SPTLC3: variants seen among roughly 807,000 people sequenced by gnomAD.
SPTLC3 encodes the protein serine palmitoyltransferase 3.
Under a neutral mutation model 59.3 loss-of-function variants are expected in SPTLC3, and 36 were observed. The ratio of observed to expected loss-of-function variants is 0.61; its 90% CI spans 0.47 to 0.80. The LOEUF is 0.80. SPTLC3 is among the 30% of genes least tolerant of loss of function. The probability of loss-of-function intolerance (pLI) is 0.00; values close to 1 mark genes in which losing one functional copy is unlikely to be tolerated. For missense variants in SPTLC3, 625 were observed against 685.1 expected (o/e 0.91, Z 0.98); for synonymous variants, 257 against 240.8 (o/e 1.07, Z -0.62).
At chr20:13,013,079 G>T (rs1985339147) in intron 1 of SPTLC3, among the ~76,000 whole-genome samples, 1 of 152,196 alleles carries the variant, frequency 6.6e-6, no homozygotes, top group African/African-American at 2.4e-5. Context: ...TCTCAATTCA[G>T]TGAGCCTTCA....
At chr20:13,067,751 A>G (rs1988279282) in intron 2 of SPTLC3, among the ~76,000 whole-genome samples, 1 of 152,180 alleles carries the variant, frequency 6.6e-6, no homozygotes, top group Non-Finnish European at 1.5e-5. Flanking sequence ...TTATCAACCA[A>G]AAGGAAAATA....
chr20:13,076,957 T>C (rs1988669246), intron 4 of SPTLC3, among the ~76,000 whole-genome samples: 2 of 152,044 alleles, frequency 1.3e-5, no homozygotes, highest in East Asian at 3.9e-4. Context: ...AATGATATAT[T>C]TCCAGACACA....
At chr20:13,147,702 A>T (rs982799447) in intron 9 of SPTLC3, among the ~76,000 whole-genome samples, 1 of 152,174 alleles carries the variant, frequency 6.6e-6, no homozygotes, top group African/African-American at 2.4e-5. Flanking sequence ...ATGGAATGTG[A>T]CTTCCCATCT....
intron 6 of SPTLC3, among the ~76,000 whole-genome samples, chr20:13,094,981 T>G (rs917277422): frequency 1.3e-5 from 2 of 152,224 alleles, no homozygotes; most frequent in African/African-American, 4.8e-5. Context: ...TAAGCCAAGT[T>G]AAATTCTTTC....
chr20:13,038,999 T>C (rs1022930049), intron 1 of SPTLC3, among the ~76,000 whole-genome samples: 23 of 152,128 alleles, frequency 1.5e-4, no homozygotes, highest in African/African-American at 5.5e-4. Context: ...GGAAAGAACA[T>C]ACTTTGCATA....
At chr20:13,144,976 C>T (rs2038476173) in intron 9 of SPTLC3, among the ~76,000 whole-genome samples, 1 of 152,076 alleles carries the variant, frequency 6.6e-6, no homozygotes. Context: ...AGGGTTTCAC[C>T]ATGTTAGCCA....
intron 2 of SPTLC3, among the ~76,000 whole-genome samples, chr20:13,057,760 A>C (rs1172969930): frequency 6.6e-6 from 1 of 152,236 alleles, no homozygotes; most frequent in Non-Finnish European, 1.5e-5. Context: ...TTGGGCCAAG[A>C]ATATCTCTTT....
At chr20:13,123,696 C>T (rs75525037) in intron 8 of SPTLC3, among the ~76,000 whole-genome samples, 5,141 of 152,296 alleles carry the variant, frequency 0.034, 129 homozygotes, top group South Asian at 0.08. Context: ...CCATAAGATG[C>T]CATCCTTATT....
chr20:13,064,445 G>A (rs1988115033), intron 2 of SPTLC3, among the ~76,000 whole-genome samples: 1 of 152,044 alleles, frequency 6.6e-6, no homozygotes, highest in African/African-American at 2.4e-5. Flanking sequence ...AGGCATGCGC[G>A]CCACCGCGCC....
chr20:13,056,460 T>G (rs1242144804), intron 2 of SPTLC3, among the ~76,000 whole-genome samples: 1 of 150,352 alleles, frequency 6.7e-6, no homozygotes, highest in Non-Finnish European at 1.5e-5. Flanking sequence ...TTTTTTTCTT[T>G]TTTTTTTTTT....
Position 13,164,520 on chromosome 20 carries a change from TA to T in SPTLC3, c.1546-231del. On this transcript the variant is annotated intron_variant, in intron 11 of 11. Coordinates refer to ENST00000399002, the MANE Select transcript of SPTLC3 (RefSeq NM_018327.4). ...TTCTCTTCACACTCTCAAAATAAAA[TA>T]AACATTCATAGTATGGAGTTAGACC... is the stretch of plus-strand genomic sequence containing the variant. The T allele has an allele frequency of 5.3e-6, 3 of 561,558 alleles. No homozygotes were observed. In the South Asian group the frequency reaches 5.9e-5, roughly 11 times the overall value. The allele number at this position is 561,558 out of a possible 1,614,324, so 34.8% of individuals were successfully genotyped here.
intron 6 of SPTLC3, among the ~76,000 whole-genome samples, chr20:13,108,136 G>A (rs917029349): frequency 1.3e-5 from 2 of 152,126 alleles, no homozygotes; most frequent in Admixed American, 6.6e-5. Context: ...GCTAACAGGG[G>A]CCTCTCAGAG....
In SPTLC3 at chr20:13,165,242, A is replaced by C. The variant is rs2038969298; in HGVS notation, c.*375A>C. 5.6e-6 allele frequency: 1 copy of C among 177,604 alleles called. No individual in the cohort carries two copies. Among genetic ancestry groups the C allele is most frequent in the Admixed American group, 5.5e-5 (1 of 18,212 alleles). 11.0% of individuals were successfully genotyped at this position (177,604 alleles called of 1,614,324 possible). ...AAAATTTTTATTCAGTAAGTTCACT[A>C]TGTGTTTACTTATTCCATCTGCAGA... On this transcript the variant is annotated 3_prime_UTR_variant, in exon 12 of 12. Coordinates refer to ENST00000399002, the MANE Select transcript of SPTLC3 (RefSeq NM_018327.4).
intron 9 of SPTLC3, among the ~76,000 whole-genome samples, chr20:13,128,215 A>G (rs2038038792): frequency 6.6e-6 from 1 of 152,230 alleles, no homozygotes; most frequent in African/African-American, 2.4e-5. Flanking sequence ...GGTGATCGAC[A>G]AGTATTTGAA....
chr20:13,128,399 C>A (rs2038042683), intron 9 of SPTLC3, among the ~76,000 whole-genome samples: 3 of 152,122 alleles, frequency 2.0e-5, no homozygotes, highest in Non-Finnish European at 2.9e-5. Context: ...TGCATCACAT[C>A]TAATACCAAT....
chr20:13,089,640 G>C (rs1989140172), intron 4 of SPTLC3, among the ~76,000 whole-genome samples: 1 of 151,964 alleles, frequency 6.6e-6, no homozygotes, highest in Non-Finnish European at 1.5e-5. Context: ...CAAAAAATTA[G>C]CTGGGCATGG....
At chr20:13,086,471 C>A (rs1223532587) in intron 4 of SPTLC3, among the ~76,000 whole-genome samples, 1 of 152,192 alleles carries the variant, frequency 6.6e-6, no homozygotes, top group African/African-American at 2.4e-5. Flanking sequence ...TCCTAGGAAT[C>A]TTTCAGGTTT....
Position 13,093,582 on chromosome 20 carries a change from G to C in SPTLC3, c.826+5G>C, listed in dbSNP as rs1365008471. The C allele has an allele frequency of 6.2e-7, 1 of 1,612,132 alleles. No individual in the cohort carries two copies. The highest frequency in any genetic ancestry group is 1.3e-5 in the African/African-American group (1 of 74,976). On this transcript the variant is annotated splice_donor_5th_base_variant and intron_variant, in intron 6 of 11. Coordinates refer to ENST00000399002, the MANE Select transcript of SPTLC3 (RefSeq NM_018327.4). ...TAAGAATCTTCAAACACAACAGTGA[G>C]TATCAGTGTATTTTCTCAACATGTA... is the stretch of plus-strand genomic sequence containing the variant.
intron 1 of SPTLC3, among the ~76,000 whole-genome samples, chr20:13,045,691 A>G (rs189797990): frequency 6.6e-6 from 1 of 152,274 alleles, no homozygotes; most frequent in African/African-American, 2.4e-5. Flanking sequence ...GTTTGGGCTG[A>G]TGGACATTTT....
Sources: allele counts gnomAD v4.1 joint callset (sites outside exome capture counted in the v4.1 genomes callset), GRCh38; gene constraint gnomAD v4.1.1; transcripts MANE v1.5; gene names NCBI Gene and HGNC (gene_info 2026-07-23, HGNC 2026-07-21).